The following LMO7 variants were observed in gnomAD, a reference collection of about 807,000 sequenced individuals.
LMO7 encodes the protein LIM domain only protein 7.
In LMO7, 120 loss-of-function variants were observed where a neutral mutation model predicts 206.5. That is an observed-to-expected ratio of 0.58 (90% confidence interval 0.50 to 0.68). LMO7 has a LOEUF of 0.68. Among genes scored for constraint, LMO7 ranks in the 30% least tolerant of loss-of-function variants. The pLI, the probability that LMO7 is intolerant of heterozygous loss-of-function variation, is 0.00. For missense variants in LMO7, 1,959 were observed against 1,957.9 expected, an observed-to-expected ratio of 1.00 and a Z score of -0.01; for synonymous variants, 706 against 681.5, an observed-to-expected ratio of 1.04 and a Z score of -0.56.
chr13:75,723,190 G>T (rs1320087695), intron 2 of LMO7, among the ~76,000 whole-genome samples: 4 of 147,294 alleles, frequency 2.7e-5, no homozygotes, highest in African/African-American at 5.1e-5. Context: ...AAAAATAAAA[G>T]ATTAAAAAAA....
intron 1 of LMO7, among the ~76,000 whole-genome samples, chr13:75,687,530 A>G (rs1020972529): frequency 1.4e-4 from 22 of 151,728 alleles, no homozygotes; most frequent in Admixed American, 1.3e-4. Flanking sequence ...ATTTTTTTTC[A>G]CTCAAACTTT....
At chr13:75,822,096 T>C (rs1299979935) in intron 14 of LMO7, among the ~76,000 whole-genome samples, 2 of 152,202 alleles carry the variant, frequency 1.3e-5, no homozygotes, top group South Asian at 2.1e-4. Context: ...TATATATATG[T>C]GTTTCTACTA....
At chr13:75,672,731 C>T (rs1323623293) in intron 1 of LMO7, among the ~76,000 whole-genome samples, 2 of 152,158 alleles carry the variant, frequency 1.3e-5, no homozygotes, top group Non-Finnish European at 2.9e-5. Context: ...AGTTCTGTTA[C>T]CCCATTCTTG....
At chr13:75,688,954 G>C (rs1452688495) in intron 1 of LMO7, 4 of 151,846 alleles carry the variant, frequency 2.6e-5, no homozygotes, top group African/African-American at 9.7e-5. Context: ...TCAGTCTTGA[G>C]GTTTTATGTT....
chr13:75,836,530 A>T (rs2059139025), intron 19 of LMO7, 73 bp downstream of exon 19: 11 of 789,894 alleles, frequency 1.4e-5, no homozygotes, highest in Non-Finnish European at 2.2e-5. Flanking sequence ...CTGTTATAAA[A>T]ATTAATATCT....
chr13:75,816,073 G>C (rs920202327), intron 11 of LMO7, among the ~76,000 whole-genome samples: 1 of 152,190 alleles, frequency 6.6e-6, no homozygotes, highest in African/African-American at 2.4e-5. Context: ...AGAAGCAAGT[G>C]GAAATGAGTC....
chr13:75,688,442 A>T (rs543533079), intron 1 of LMO7: 1 of 152,326 alleles, frequency 6.6e-6, no homozygotes, highest in Non-Finnish European at 1.5e-5. Context: ...TCCCGTATCT[A>T]TGCTTATTCT....
Position 75,857,991 on chromosome 13 carries a change from T to C in LMO7, c.*48T>C, listed in dbSNP as rs376992150. ...CTGTTGCAGATAGAAGAAGAGGTGG[T>C]TGCTGCTCATGTAGATCTATAAATA... is the stretch of plus-strand genomic sequence containing the variant. On this transcript the variant is annotated 3_prime_UTR_variant, in exon 31 of 31. Transcript: ENST00000377534. 1.2e-5 allele frequency: 20 copies of C among 1,606,940 alleles called. No individual in the cohort carries two copies. The African/African-American group carries it at 2.1e-4, about 17-fold the overall frequency.
chr13:75,716,920 A>C, intron 2 of LMO7, among the ~76,000 whole-genome samples: 1 of 149,490 alleles, frequency 6.7e-6, no homozygotes. Flanking sequence ...TCTCTGATGA[A>C]GAAAGAAGAT....
chr13:75,773,330 G>C (rs1391278920), intron 4 of LMO7, among the ~76,000 whole-genome samples: 1 of 151,974 alleles, frequency 6.6e-6, no homozygotes, highest in East Asian at 1.9e-4. Context: ...CCTGGCTAGG[G>C]GATTTAAACT....
chr13:75,751,896 G>T (rs1044616828), intron 3 of LMO7, among the ~76,000 whole-genome samples: 1 of 152,084 alleles, frequency 6.6e-6, no homozygotes, highest in Non-Finnish European at 1.5e-5. Context: ...TATTTGGGAG[G>T]TTGTCATGCT....
chr13:75,842,820 T>A, intron 24 of LMO7, 31 bp from the exon 25 acceptor site: 1 of 1,411,704 alleles, frequency 7.1e-7, no homozygotes, highest in Non-Finnish European at 1.0e-6. Context: ...AGTCTAATAT[T>A]TTGACAACAA....
chr13:75,805,978 G>A (rs61959562), intron 9 of LMO7: 12 of 1,111,462 alleles, frequency 1.1e-5, no homozygotes, highest in African/African-American at 1.6e-5. Flanking sequence ...TCATAGCACG[G>A]CATTATTTTT....
intron 1 of LMO7, among the ~76,000 whole-genome samples, chr13:75,622,956 A>G (rs1474165827): frequency 6.6e-6 from 1 of 152,226 alleles, no homozygotes; most frequent in Non-Finnish European, 1.5e-5. Context: ...AAGAAACTAA[A>G]ATGAAAGACT....
At chr13:75,770,916 G>T (rs1394866465) in intron 4 of LMO7, among the ~76,000 whole-genome samples, 1 of 151,968 alleles carries the variant, frequency 6.6e-6, no homozygotes, top group African/African-American at 2.4e-5. Context: ...TTCATTCCTG[G>T]GGTATCTTTG....
chr13:75,761,263 C>T (rs1360956135), intron 4 of LMO7, among the ~76,000 whole-genome samples: 1 of 152,096 alleles, frequency 6.6e-6, no homozygotes, highest in Non-Finnish European at 1.5e-5. Context: ...CTATAAATCT[C>T]TATACCGACA....
Position 75,805,676 on chromosome 13 carries a change from A to C in LMO7, c.1112A>C (p.Lys371Thr). Residue 371 changes from lysine to threonine, a missense_variant, in exon 9 of 31, where the codon AAA becomes ACA. Coordinates refer to ENST00000377534, the MANE Select transcript of LMO7 (RefSeq NM_001306080.2). ...AATGCTTTTGATCAGTTTCTTCCCA[A>C]ATGTTGGACCCCAGAAGATGTGAAC... ...PGNAFDQFLPKCWTPEDVNWK... is the reference protein window; with the variant it reads ...PGNAFDQFLPTCWTPEDVNWK... The C allele has an allele frequency of 6.2e-7, 1 of 1,614,012 alleles. No individual in the cohort carries two copies. The highest frequency in any genetic ancestry group is 1.1e-5 in the South Asian group (1 of 91,088).
intron 2 of LMO7, among the ~76,000 whole-genome samples, chr13:75,718,656 GTCCATGGTT>G (rs1566346735): frequency 6.6e-6 from 1 of 152,068 alleles, no homozygotes; most frequent in African/African-American, 2.4e-5. Context: ...ATCACCCAGA[GTCCATGGTT>G]TACATTAGGG....
rs182383599 is a variant in LMO7 at position 75,732,698 on chromosome 13, G to A, written c.210+5600G>A. Among the ~76,000 whole-genome samples the A allele has an allele frequency of 2.9e-3, 449 of 152,224 alleles. 3 individuals are homozygous for A. Among genetic ancestry groups the A allele is most frequent in the African/African-American group, 9.8e-3 (407 of 41,530 alleles). On this transcript the variant is annotated intron_variant, in intron 3 of 30. Transcript: ENST00000377534. The stretch of plus-strand genomic sequence containing the variant: ...TGCGTTTCTTTGGAGGAGGAGAGGC[G>A]CTCTGCTTTTTAGAGTTTCCAGTTT...
Sources: allele counts gnomAD v4.1 joint callset (sites outside exome capture counted in the v4.1 genomes callset), GRCh38; gene constraint gnomAD v4.1.1; transcripts MANE v1.5; gene names NCBI Gene and HGNC (gene_info 2026-07-23, HGNC 2026-07-21).